The following ACTR3 variants were observed in gnomAD, a reference collection of about 807,000 sequenced individuals.
ACTR3 encodes the protein actin-related protein 3.
A neutral mutation model predicts 56.8 loss-of-function variants in ACTR3; 12 were observed. That is an observed-to-expected ratio of 0.21 (90% CI 0.14 to 0.34). The LOEUF (loss-of-function observed/expected upper bound fraction) is 0.34, where lower values mean the gene tolerates loss of function less well. Ranked by LOEUF, ACTR3 falls within the 10% of genes least tolerant of loss-of-function variation. ACTR3 has a pLI of 1.00. For synonymous variants in ACTR3, 162 were observed against 167.4 expected (o/e 0.97, Z 0.25); for missense variants, 282 against 512.5 (o/e 0.55, Z 4.34).
chr2:113,947,157 T>C (rs552322841), intron 8 of ACTR3, among the ~76,000 whole-genome samples: 65 of 152,294 alleles, frequency 4.3e-4, no homozygotes, highest in African/African-American at 1.5e-3. Flanking sequence ...ATCAATTAAC[T>C]TGAAATTGAA....
chr2:113,934,874 A>AATG (rs1319615270), intron 6 of ACTR3, among the ~76,000 whole-genome samples: 1 of 152,178 alleles, frequency 6.6e-6, no homozygotes, highest in African/African-American at 2.4e-5. Context: ...TTCAGTTCTT[A>AATG]ATGATACATC....
chr2:113,894,798 AC>A (rs1201709308), intron 1 of ACTR3, among the ~76,000 whole-genome samples: 1 of 152,168 alleles, frequency 6.6e-6, no homozygotes, highest in African/African-American at 2.4e-5. Context: ...AATTTAAATT[AC>A]CTTTTTGATG....
At chr2:113,932,943 A>G (rs1404835614) in intron 5 of ACTR3, among the ~76,000 whole-genome samples, 2 of 152,168 alleles carry the variant, frequency 1.3e-5, no homozygotes, top group Non-Finnish European at 2.9e-5. Context: ...AGGTAGGTAA[A>G]ATAAGTCCAG....
intron 3 of ACTR3, among the ~76,000 whole-genome samples, chr2:113,921,609 G>A (rs546731691): frequency 6.6e-6 from 1 of 152,262 alleles, no homozygotes; most frequent in Non-Finnish European, 1.5e-5. Flanking sequence ...TTGGGTCTTA[G>A]ATTTAAATCT....
At chr2:113,956,967 T>G (rs1351120003) in intron 11 of ACTR3, among the ~76,000 whole-genome samples, 3 of 152,174 alleles carry the variant, frequency 2.0e-5, no homozygotes. Context: ...CGAAAAATAG[T>G]CATAGCATGA....
intron 10 of ACTR3, 78 bp downstream of exon 10, chr2:113,951,923 CTCTGATTTAGAAAAATAAGA>C: frequency 1.9e-6 from 3 of 1,568,826 alleles, no homozygotes; most frequent in Non-Finnish European, 2.6e-6. Flanking sequence ...CCAGCATTCA[CTCTGATTTAGAAAAATAAGA>C]GGAACCTGTC....
chr2:113,939,055 G>A (rs1179518444), intron 6 of ACTR3, among the ~76,000 whole-genome samples: 2 of 149,068 alleles, frequency 1.3e-5, no homozygotes, highest in African/African-American at 2.5e-5. Flanking sequence ...ACGGAGTTTC[G>A]CTCTGTCGCC....
chr2:113,901,416 G>A (rs768593455), intron 1 of ACTR3, among the ~76,000 whole-genome samples: 17 of 152,218 alleles, frequency 1.1e-4, no homozygotes, highest in Admixed American at 7.9e-4. Context: ...ATTGTATGAC[G>A]AAAACTGGGT....
intron 6 of ACTR3, among the ~76,000 whole-genome samples, chr2:113,936,842 C>G (rs1419358044): frequency 6.6e-6 from 1 of 152,118 alleles, no homozygotes; most frequent in African/African-American, 2.4e-5. Flanking sequence ...AGACTTTCTT[C>G]TTGGCTTCTA....
At chr2:113,942,651 C>T (rs1679945082) in intron 8 of ACTR3, among the ~76,000 whole-genome samples, 1 of 151,636 alleles carries the variant, frequency 6.6e-6, no homozygotes, top group African/African-American at 2.4e-5. Context: ...TTTCTTCCCT[C>T]CATCATGGAC....
At chr2:113,913,108 TAAGA>T (rs1170721118) in intron 1 of ACTR3, 60 bp from the exon 2 acceptor site, 2 of 1,120,972 alleles carry the variant, frequency 1.8e-6, no homozygotes, top group African/African-American at 3.3e-5. Context: ...AATGAAATTC[TAAGA>T]AAGAAATGTA....
chr2:113,926,819 G>A (rs1574368169), intron 3 of ACTR3, among the ~76,000 whole-genome samples: 1 of 152,174 alleles, frequency 6.6e-6, no homozygotes, highest in Non-Finnish European at 1.5e-5. Context: ...AGGTATCTTA[G>A]CACACAGTTT....
intron 1 of ACTR3, among the ~76,000 whole-genome samples, chr2:113,892,512 C>T (rs370607873): frequency 1.3e-5 from 2 of 152,138 alleles, no homozygotes; most frequent in African/African-American, 2.4e-5. Flanking sequence ...TTTGGTCTTA[C>T]AAGTTTCCAG....
intron 2 of ACTR3, among the ~76,000 whole-genome samples, chr2:113,913,526 G>T (rs983481459): frequency 6.6e-6 from 1 of 152,144 alleles, no homozygotes; most frequent in Non-Finnish European, 1.5e-5. Flanking sequence ...CAGTATGGGG[G>T]TATAACTAAT....
rs1042462395 is a variant in ACTR3 at position 113,903,230 on chromosome 2, C to T, written c.45-9942C>T. Among the ~76,000 whole-genome samples, 5 of 152,130 alleles carry T rather than the reference C, an allele frequency of 3.3e-5. No individual in the cohort carries two copies. The East Asian group carries it at 9.6e-4, about 29-fold the overall frequency. ...TCCCCATATATGAGTACATTGTTTTCCTTATCTTTGATTTTCAGTGGTTTG... is the reference window on the plus strand; with the variant it reads ...TCCCCATATATGAGTACATTGTTTTTCTTATCTTTGATTTTCAGTGGTTTG... On this transcript the variant is annotated intron_variant, in intron 1 of 11. Transcript: ENST00000263238.
intron 2 of ACTR3, among the ~76,000 whole-genome samples, chr2:113,915,077 A>G (rs370183073): frequency 3.3e-5 from 5 of 152,330 alleles, no homozygotes; most frequent in African/African-American, 7.2e-5. Flanking sequence ...TCTTTGGGCT[A>G]GTACTTGACT....
chr2:113,951,976 A>T lies in ACTR3; in HGVS notation c.1077+131A>T. The stretch of plus-strand genomic sequence containing the variant: ...GTCAGGTATTCTAATGGAAATGGTT[A>T]ATGTTATAGATTTATGTCTGTGATA... On this transcript the variant is annotated intron_variant, in intron 10 of 11. Coordinates refer to ENST00000263238, the MANE Select transcript of ACTR3 (RefSeq NM_005721.5). The T allele has an allele frequency of 2.6e-6, 3 of 1,145,686 alleles. No individual in the cohort carries two copies. In the Admixed American group the frequency reaches 6.7e-5, roughly 26 times the overall value. 71.0% of individuals were successfully genotyped at this position (1,145,686 alleles called of 1,614,324 possible). A position where few individuals can be genotyped will look rare whatever the true frequency, so the allele number is the denominator to read the frequency against.
chr2:113,939,890 C>T lies in ACTR3; in HGVS notation c.541-69C>T, dbSNP rs1016887286. 3 of 1,427,384 alleles carry T rather than the reference C, an allele frequency of 2.1e-6. No individual in the cohort carries two copies. In the African/African-American group the frequency reaches 4.3e-5, roughly 20 times the overall value. The allele number at this position is 1,427,384 out of a possible 1,614,324, so 88.4% of individuals were successfully genotyped here. On this transcript the variant is annotated intron_variant, in intron 6 of 11. Coordinates refer to ENST00000263238, the MANE Select transcript of ACTR3 (RefSeq NM_005721.5). ...CTTAATAAATTGGTCTTTATTGGTT[C>T]ATATTTTTGGGTTATATTAATTTTC...
intron 4 of ACTR3, among the ~76,000 whole-genome samples, chr2:113,928,727 TGGTGG>T (rs1679663202): frequency 6.6e-6 from 1 of 151,956 alleles, no homozygotes; most frequent in Non-Finnish European, 1.5e-5. Context: ...CCAAAACAGG[TGGTGG>T]GCTGTATTTG....
Sources: allele counts gnomAD v4.1 joint callset (sites outside exome capture counted in the v4.1 genomes callset), GRCh38; gene constraint gnomAD v4.1.1; transcripts MANE v1.5; gene names NCBI Gene and HGNC (gene_info 2026-07-23, HGNC 2026-07-21).